The following BCL11A variants were observed in gnomAD, a reference collection of about 807,000 sequenced individuals.
BCL11A encodes BCL11 transcription factor A.
In BCL11A, 2 loss-of-function variants were observed where a neutral mutation model predicts 55.9. The ratio of observed to expected loss-of-function variants is 0.04; its 90% CI spans 0.01 to 0.11. The LOEUF (loss-of-function observed/expected upper bound fraction) is 0.11. BCL11A is among the 10% of genes least tolerant of loss of function. The probability of loss-of-function intolerance (pLI) is 1.00; values close to 1 mark genes in which losing one functional copy is unlikely to be tolerated. For synonymous variants in BCL11A, 465 were observed against 473.4 expected, an observed-to-expected ratio of 0.98 and a Z score of 0.23; for missense variants, 817 against 1,137.1, an observed-to-expected ratio of 0.72 and a Z score of 4.05.
Position 60,459,757 on chromosome 2 carries a change from T to C in BCL11A, c.*647A>G. On this transcript the variant is annotated 3_prime_UTR_variant, in exon 4 of 4. Coordinates refer to ENST00000642384, the MANE Select transcript of BCL11A (RefSeq NM_022893.4). ...TTTGTCAATTCAAGGCCTTTTTTCT[T>C]CCTTTCCAATTGATACATTTAACCC... 4 of 1,040,390 alleles carry C rather than the reference T, an allele frequency of 3.8e-6. No individual in the cohort carries two copies. Among genetic ancestry groups the C allele is most frequent in the Non-Finnish European group, 4.6e-6 (4 of 863,314 alleles). 64.4% of individuals were successfully genotyped at this position (1,040,390 alleles called of 1,614,324 possible).
At chr2:60,504,975 C>A (rs374796660) in intron 2 of BCL11A, among the ~76,000 whole-genome samples, 1 of 152,064 alleles carries the variant, frequency 6.6e-6, no homozygotes, top group Non-Finnish European at 1.5e-5. Context: ...TGGGGTGGAC[C>A]CAGAAGTATA....
Position 60,546,001 on chromosome 2 carries a change from C to T in BCL11A, c.355G>A (p.Gly119Arg), listed in dbSNP as rs1670131747. The T allele has an allele frequency of 6.2e-7, 1 of 1,614,032 alleles. No individual in the cohort carries two copies. The highest frequency in any genetic ancestry group is 8.5e-7 in the Non-Finnish European group (1 of 1,180,008). Residue 119 changes from glycine to arginine, a missense_variant, in exon 2 of 4, where the codon GGA (glycine) becomes AGA (arginine). By Grantham distance (125) the Gly-to-Arg change is moderately radical. Transcript: ENST00000642384. This position sits in a 1 kb window ranked among gnomAD's most constrained non-coding sequence, Gnocchi z 4.1. ...ATGTGTTCCTGTTTGGGGCAAATTCCTCTAGATGACGTTGATAAACAATCG... is the reference window on the plus strand; with the variant it reads ...ATGTGTTCCTGTTTGGGGCAAATTCTTCTAGATGACGTTGATAAACAATCG... The part of the protein sequence containing the change: ...DDDCLSTSSR[G>R]ICPKQEHIAD...
At chr2:60,538,830 G>A (rs1430187938) in intron 2 of BCL11A, among the ~76,000 whole-genome samples, 1 of 150,758 alleles carries the variant, frequency 6.6e-6, no homozygotes, top group Non-Finnish European at 1.5e-5. Context: ...TATTTACACT[G>A]TACTCCCTTT....
At position 60,461,085 on chromosome 2, in the gene BCL11A, C is replaced by G. The variant is rs769470520; in HGVS notation, c.1827G>C (p.Pro609=). ...DGTVNGRGCS[P]GESASGGLSK... ...ACAGGCCCCCCGAGGCCGACTCGCC[C>G]GGGGAGCAGCCGCGGCCATTAACAG... Residue 609 remains proline, a synonymous_variant, in exon 4 of 4, where the codon CCG becomes CCC. Transcript: ENST00000642384. 6.2e-7 allele frequency: 1 copy of G among 1,602,154 alleles called. No homozygotes were observed. Among genetic ancestry groups the G allele is most frequent in the South Asian group, 1.1e-5 (1 of 89,882 alleles).
At chr2:60,532,063 A>G (rs1232478807) in intron 2 of BCL11A, among the ~76,000 whole-genome samples, 1 of 151,592 alleles carries the variant, frequency 6.6e-6, no homozygotes, top group African/African-American at 2.4e-5. Flanking sequence ...TCACCCCAGC[A>G]CTCCCTGCCT....
At chr2:60,454,651 A>T (rs1675864572), downstream of BCL11A, among the ~76,000 whole-genome samples, 1 of 152,170 alleles carries the variant, frequency 6.6e-6, no homozygotes, top group African/African-American at 2.4e-5. Context: ...AGTCTCTGTG[A>T]GCAAAGTACT....
chr2:60,493,768 C>T (rs1047142918), intron 2 of BCL11A, among the ~76,000 whole-genome samples: 8 of 152,182 alleles, frequency 5.3e-5, no homozygotes, highest in African/African-American at 1.9e-4. Context: ...TCTCACACAA[C>T]ACTCCAGGGA....
chr2:60,452,755 T>A, downstream of BCL11A: 2 of 1,092,278 alleles, frequency 1.8e-6, no homozygotes. Context: ...ACTAGCTTTT[T>A]AAAAATTAGA....
intron 2 of BCL11A, among the ~76,000 whole-genome samples, chr2:60,505,426 C>T (rs1224588801): frequency 2.0e-5 from 3 of 152,234 alleles, no homozygotes. Flanking sequence ...GGGAAAATCA[C>T]TCATCAGGTA....
rs1257512743 is a variant in BCL11A, at chr2:60,461,553, G to A, written c.1359C>T (p.Ser453=). ...STASSPEPGT[S]DLVGSASSAL... The stretch of plus-strand genomic sequence containing the variant: ...CGCTGCTGGCGCTGCCCACCAAGTC[G>A]CTGGTGCCGGGTTCCGGGGAGCTGG... Residue 453 remains serine, a synonymous_variant, in exon 4 of 4, where the codon AGC becomes AGT. Coordinates refer to ENST00000642384, the MANE Select transcript of BCL11A (RefSeq NM_022893.4). 1.9e-6 allele frequency: 3 copies of A among 1,611,078 alleles called. No individual in the cohort carries two copies. Among genetic ancestry groups the A allele is most frequent in the African/African-American group, 2.7e-5 (2 of 75,054 alleles).
In BCL11A at chr2:60,462,129, G is replaced by A. The variant is rs2103858878; in HGVS notation, c.783C>T (p.Pro261=). The part of the protein sequence containing the change: ...ASGLAEGRFP[P]TPPLFSPPPR... ...GTGGTGGACTAAACAGGGGGGGAGT[G>A]GGTGGAAAGCGCCCTTCTGCCAGGC... Residue 261 remains proline, a synonymous_variant, in exon 4 of 4, where the codon CCC becomes CCT. Coordinates refer to ENST00000642384, the MANE Select transcript of BCL11A (RefSeq NM_022893.4). 6.4e-7 allele frequency: 1 copy of A among 1,557,922 alleles called. No homozygotes were observed. The highest frequency in any genetic ancestry group is 2.2e-5 in the East Asian group (1 of 44,492).
intron 2 of BCL11A, 95 bp downstream of exon 2, chr2:60,545,876 A>T (rs1670125645): frequency 1.0e-6 from 1 of 1,000,058 alleles, no homozygotes; most frequent in Admixed American, 2.1e-5. Flanking sequence ...AGAGTAATAG[A>T]GAAAGCACTT....
chr2:60,532,182 C>A (rs1158627299), intron 2 of BCL11A, among the ~76,000 whole-genome samples: 2 of 152,156 alleles, frequency 1.3e-5, no homozygotes, highest in East Asian at 3.8e-4. Context: ...CACAGAAGTT[C>A]TTCAAATTTT....
At chr2:60,521,101 TCACA>T (rs10607148) in intron 2 of BCL11A, among the ~76,000 whole-genome samples, 1,215 of 26,654 alleles carry the variant, frequency 0.046, 23 homozygotes, top group African/African-American at 0.1. Flanking sequence ...ACACACACAC[TCACA>T]CACACACACA....
At chr2:60,482,797 T>C (rs1678036774) in intron 2 of BCL11A, among the ~76,000 whole-genome samples, 1 of 152,224 alleles carries the variant, frequency 6.6e-6, no homozygotes, top group South Asian at 2.1e-4. Flanking sequence ...TTCATGTGAT[T>C]ATACAGTGCC....
At chr2:60,501,167 T>C (rs1042481041) in intron 2 of BCL11A, among the ~76,000 whole-genome samples, 3 of 152,232 alleles carry the variant, frequency 2.0e-5, no homozygotes, top group Non-Finnish European at 4.4e-5. Context: ...CACTTATTTA[T>C]ATTATTGTTT....
rs775970880 is a variant in BCL11A, at chr2:60,460,724, G to A, written c.2188C>T (p.Pro730Ser). The A allele has an allele frequency of 1.9e-6, 3 of 1,614,014 alleles. No homozygotes were observed. Among genetic ancestry groups the A allele is most frequent in the Non-Finnish European group, 2.5e-6 (3 of 1,180,048 alleles). Residue 730 changes from proline to serine, a missense_variant, in exon 4 of 4, where the codon CCG (proline) becomes TCG (serine). Transcript: ENST00000642384. ...CCCTCTTTTGAGCTGGGCCTGCCCG[G>A]GCCCGGACCACTAATATGGGGCGTG... ...GSTPHISGPG[P>S]GRPSSKEGRR...
intron 2 of BCL11A, among the ~76,000 whole-genome samples, chr2:60,487,259 C>T (rs961952985): frequency 7.2e-5 from 11 of 152,122 alleles, no homozygotes; most frequent in Non-Finnish European, 1.6e-4. Flanking sequence ...TTTTGCAAGT[C>T]GATTAGCTAA....
chr2:60,516,387 G>C (rs530538146), intron 2 of BCL11A, among the ~76,000 whole-genome samples: 2 of 152,200 alleles, frequency 1.3e-5, no homozygotes, highest in Non-Finnish European at 2.9e-5. Context: ...CCAGATGTCA[G>C]TGCAAAGTTA....
Sources: gnomAD v4.1 joint callset for allele counts (sites outside exome capture counted in the v4.1 genomes callset) on GRCh38, gnomAD v4.1.1 for gene constraint, Gnocchi (gnomAD v3.1) non-coding constraint, MANE v1.5 for transcripts, NCBI Gene and HGNC (gene_info 2026-07-23, HGNC 2026-07-21) for gene names.